DSCAM: variants seen among roughly 807,000 people sequenced by gnomAD.
DSCAM encodes the protein DS cell adhesion molecule.
In DSCAM, 47 loss-of-function variants were observed where a neutral mutation model predicts 217.7. The ratio of observed to expected loss-of-function variants is 0.22; its 90% CI spans 0.17 to 0.28. The LOEUF is 0.28. Ranked by LOEUF, DSCAM falls within the 10% of genes least tolerant of loss-of-function variation. The pLI is 1.00. For missense variants in DSCAM, 2,080 were observed against 2,618.3 expected (o/e 0.79, Z 4.49); for synonymous variants, 1,056 against 1,015.3 (o/e 1.04, Z -0.76).
intron 3 of DSCAM, among the ~76,000 whole-genome samples, chr21:40,597,057 A>G (rs1218984545): frequency 2.0e-5 from 3 of 152,222 alleles, no homozygotes; most frequent in Non-Finnish European, 4.4e-5. Flanking sequence ...GTTTACAAAT[A>G]TTTTTGCTAG....
At position 40,649,455 on chromosome 21, in the gene DSCAM, T is replaced by C. The variant is rs149587550; in HGVS notation, c.508+43355A>G. On this transcript the variant is annotated intron_variant, in intron 3 of 32. Transcript: ENST00000400454. ...GTGGTCTCAAGTAAACTATTTCTGATTACCAACTACTACAGAAGAATTTAA... is the reference window on the plus strand; with the variant it reads ...GTGGTCTCAAGTAAACTATTTCTGACTACCAACTACTACAGAAGAATTTAA... 1.3e-4 allele frequency among the ~76,000 whole-genome samples: 20 copies of C among 152,294 alleles called. No homozygotes were observed. In the East Asian group the frequency reaches 3.7e-3, roughly 28 times the overall value.
At chr21:40,433,153 T>TA (rs1226705011) in intron 3 of DSCAM, among the ~76,000 whole-genome samples, 1 of 151,902 alleles carries the variant, frequency 6.6e-6, no homozygotes, top group Non-Finnish European at 1.5e-5. Flanking sequence ...GGTCAGAAGA[T>TA]AGAGACCATC....
intron 3 of DSCAM, among the ~76,000 whole-genome samples, chr21:40,427,336 T>G (rs537836369): frequency 6.6e-6 from 1 of 152,184 alleles, no homozygotes; most frequent in African/African-American, 2.4e-5. Flanking sequence ...CATGAACCCA[T>G]GTGTCCCAGC....
intron 1 of DSCAM, among the ~76,000 whole-genome samples, chr21:40,763,379 C>A (rs1208323250): frequency 2.0e-5 from 3 of 152,134 alleles, no homozygotes; most frequent in African/African-American, 7.2e-5. Context: ...GGAATTACAA[C>A]TTACAAGGGA....
At chr21:40,141,737 CAG>C (rs2090293329) in intron 18 of DSCAM, among the ~76,000 whole-genome samples, 1 of 152,110 alleles carries the variant, frequency 6.6e-6, no homozygotes, top group Non-Finnish European at 1.5e-5. Context: ...AGGCTTGGGA[CAG>C]AGACAGTGAG....
intron 3 of DSCAM, among the ~76,000 whole-genome samples, chr21:40,535,507 T>C (rs958766957): frequency 1.3e-5 from 2 of 152,332 alleles, no homozygotes; most frequent in Admixed American, 1.3e-4. Flanking sequence ...AGTTAAAAAA[T>C]AAATTATCAG....
intron 1 of DSCAM, among the ~76,000 whole-genome samples, chr21:40,715,622 A>G (rs574191328): frequency 3.2e-4 from 48 of 152,258 alleles, no homozygotes; most frequent in Non-Finnish European, 7.1e-4. Flanking sequence ...AAATCGGTTC[A>G]GATCAGAAGC....
At chr21:40,725,129 T>C (rs2090940813) in intron 1 of DSCAM, among the ~76,000 whole-genome samples, 1 of 152,226 alleles carries the variant, frequency 6.6e-6, no homozygotes. Flanking sequence ...TGGCTTCCTC[T>C]AGTATGACTT....
At chr21:40,168,394 T>C (rs574769684) in intron 15 of DSCAM, among the ~76,000 whole-genome samples, 1 of 152,240 alleles carries the variant, frequency 6.6e-6, no homozygotes, top group South Asian at 2.1e-4. Flanking sequence ...GAGTTCAGAA[T>C]GTAATCAGAG....
At chr21:40,284,933 T>C (rs1156927908) in intron 10 of DSCAM, among the ~76,000 whole-genome samples, 4 of 152,214 alleles carry the variant, frequency 2.6e-5, no homozygotes, top group African/African-American at 4.8e-5. Context: ...ATGACAACAA[T>C]GGAAATTTCA....
intron 9 of DSCAM, among the ~76,000 whole-genome samples, chr21:40,297,880 T>C (rs549890776): frequency 1.6e-4 from 24 of 152,358 alleles, no homozygotes; most frequent in African/African-American, 4.1e-4. Context: ...TTCTATTTCC[T>C]GTTGGGCAAT....
intron 1 of DSCAM, among the ~76,000 whole-genome samples, chr21:40,801,418 A>G (rs1430541304): frequency 6.6e-6 from 1 of 152,212 alleles, no homozygotes; most frequent in East Asian, 1.9e-4. Context: ...TAGCTCAGAG[A>G]CCATTTGCTA....
At chr21:40,409,710 T>C (rs1458664145) in intron 3 of DSCAM, among the ~76,000 whole-genome samples, 1 of 152,176 alleles carries the variant, frequency 6.6e-6, no homozygotes, top group Non-Finnish European at 1.5e-5. Context: ...ATTTGAGAAA[T>C]CAAGTAGAAA....
chr21:40,424,493 C>T (rs1446552078), intron 3 of DSCAM, among the ~76,000 whole-genome samples: 3 of 152,122 alleles, frequency 2.0e-5, no homozygotes, highest in South Asian at 2.1e-4. Context: ...CGCCAGGTGC[C>T]GCAGGAGGTG....
intron 3 of DSCAM, among the ~76,000 whole-genome samples, chr21:40,584,634 G>A (rs766582926): frequency 5.3e-5 from 8 of 152,116 alleles, no homozygotes; most frequent in Non-Finnish European, 7.3e-5. Context: ...GCAAAGTCAG[G>A]TCAGCAGGGC....
At chr21:40,512,229 A>AC (rs2076265129) in intron 3 of DSCAM, among the ~76,000 whole-genome samples, 3 of 152,154 alleles carry the variant, frequency 2.0e-5, no homozygotes, top group African/African-American at 7.2e-5. Flanking sequence ...ATCCTGAGTG[A>AC]ACCTTGTTCT....
intron 5 of DSCAM, among the ~76,000 whole-genome samples, chr21:40,352,453 G>C (rs941585848): frequency 6.6e-6 from 1 of 152,120 alleles, no homozygotes; most frequent in African/African-American, 2.4e-5. Flanking sequence ...TGGACAGCCT[G>C]TTCCAGATAG....
At chr21:40,648,878 A>G (rs116503000) in intron 3 of DSCAM, among the ~76,000 whole-genome samples, 2,685 of 152,222 alleles carry the variant, frequency 0.018, 96 homozygotes, top group African/African-American at 0.062. Context: ...TTGTCAGTGT[A>G]TCCTCATTCT....
At position 40,344,705 on chromosome 21, in the gene DSCAM, T is replaced by A. The variant is rs547824172; in HGVS notation, c.1210+2965A>T. Reference sequence around the variant, plus strand: ...TCAGATTTTTAAGTTTTTCTCTTTATCTTCGGTTTTCAGCAGCTTAACTCT... The same window carrying A: ...TCAGATTTTTAAGTTTTTCTCTTTAACTTCGGTTTTCAGCAGCTTAACTCT... On this transcript the variant is annotated intron_variant, in intron 6 of 32. Coordinates refer to ENST00000400454, the MANE Select transcript of DSCAM (RefSeq NM_001389.5). Among the ~76,000 whole-genome samples the A allele has an allele frequency of 3.3e-5, 5 of 152,356 alleles. No individual in the cohort carries two copies. In the South Asian group the frequency reaches 1.0e-3, roughly 32 times the overall value.
Sources: allele counts gnomAD v4.1 joint callset (sites outside exome capture counted in the v4.1 genomes callset), GRCh38; gene constraint gnomAD v4.1.1; transcripts MANE v1.5; gene names NCBI Gene and HGNC (gene_info 2026-07-23, HGNC 2026-07-21).